GPR149: variants seen among roughly 807,000 people sequenced by gnomAD.
GPR149 encodes the protein probable G protein-coupled receptor 149.
In GPR149, 50 loss-of-function variants were observed where a neutral mutation model predicts 50.2. The ratio of observed to expected loss-of-function variants is 1.00; its 90% CI spans 0.79 to 1.26. GPR149 has a LOEUF of 1.26. GPR149 is among the 50% of genes most tolerant of loss of function. The pLI is 0.00. For missense variants in GPR149, 983 were observed against 895.4 expected, an observed-to-expected ratio of 1.10 and a Z score of -1.25; for synonymous variants, 405 against 358.2, an observed-to-expected ratio of 1.13 and a Z score of -1.48.
At chr3:154,362,367 C>A (rs1481717811) in intron 3 of GPR149, among the ~76,000 whole-genome samples, 2 of 151,952 alleles carry the variant, frequency 1.3e-5, no homozygotes, top group Non-Finnish European at 2.9e-5. Context: ...TACTGTCACC[C>A]CAAAAAAGAC....
intron 3 of GPR149, among the ~76,000 whole-genome samples, chr3:154,416,308 CT>C (rs1196748368): frequency 1.3e-5 from 2 of 151,824 alleles, no homozygotes; most frequent in African/African-American, 4.8e-5. Context: ...TATTAGCCCA[CT>C]GGGGGATTTT....
intron 3 of GPR149, among the ~76,000 whole-genome samples, chr3:154,356,132 G>A (rs922194638): frequency 6.6e-6 from 1 of 152,300 alleles, no homozygotes; most frequent in East Asian, 1.9e-4. Context: ...GATTTATGGT[G>A]ATGTTTGTAC....
intron 3 of GPR149, among the ~76,000 whole-genome samples, chr3:154,372,515 A>C (rs1397843661): frequency 6.6e-6 from 1 of 152,180 alleles, no homozygotes; most frequent in African/African-American, 2.4e-5. Context: ...ATGCCGCTGC[A>C]AGGTCATAAA....
chr3:154,373,328 A>G (rs1199927195), intron 3 of GPR149, among the ~76,000 whole-genome samples: 3 of 152,206 alleles, frequency 2.0e-5, no homozygotes, highest in Non-Finnish European at 4.4e-5. Flanking sequence ...AGCAGGGAAC[A>G]CAAGATAAGC....
At chr3:154,383,582 C>T (rs1481868694) in intron 3 of GPR149, among the ~76,000 whole-genome samples, 2 of 152,104 alleles carry the variant, frequency 1.3e-5, no homozygotes, top group Non-Finnish European at 2.9e-5. Context: ...TTTATGGACA[C>T]TTCCATGACA....
At chr3:154,341,932 G>T (rs867179792) in intron 3 of GPR149, among the ~76,000 whole-genome samples, 1 of 152,020 alleles carries the variant, frequency 6.6e-6, no homozygotes, top group Non-Finnish European at 1.5e-5. Flanking sequence ...AATAAGCAGG[G>T]TAATTATACT....
At chr3:154,377,512 G>A (rs184163692) in intron 3 of GPR149, among the ~76,000 whole-genome samples, 30 of 151,836 alleles carry the variant, frequency 2.0e-4, no homozygotes, top group East Asian at 5.8e-4. Context: ...GACTACAGGC[G>A]TGCGCCACCA....
chr3:154,404,802 G>A (rs532929968), intron 3 of GPR149, among the ~76,000 whole-genome samples: 1 of 152,084 alleles, frequency 6.6e-6, no homozygotes, highest in African/African-American at 2.4e-5. Context: ...GCAATTTTTT[G>A]TAAAGTACTT....
chr3:154,348,779 T>C (rs1713993384), intron 3 of GPR149, among the ~76,000 whole-genome samples: 1 of 152,094 alleles, frequency 6.6e-6, no homozygotes, highest in African/African-American at 2.4e-5. Flanking sequence ...ATGTTATAGA[T>C]AGAAAATTTT....
chr3:154,422,012 A>T (rs1712160864), intron 2 of GPR149, among the ~76,000 whole-genome samples: 1 of 151,722 alleles, frequency 6.6e-6, no homozygotes, highest in Non-Finnish European at 1.5e-5. Context: ...CTATAAGTGC[A>T]TACATTAAAA....
At chr3:154,368,217 G>C (rs1229807380) in intron 3 of GPR149, among the ~76,000 whole-genome samples, 1 of 152,226 alleles carries the variant, frequency 6.6e-6, no homozygotes. Context: ...TCTGACCCCT[G>C]TCTCCTGGGT....
chr3:154,402,709 G>A (rs1457814409), intron 3 of GPR149, among the ~76,000 whole-genome samples: 1 of 151,384 alleles, frequency 6.6e-6, no homozygotes, highest in African/African-American at 2.4e-5. Flanking sequence ...TCCACCTTCT[G>A]TGGTCTGTAA....
At chr3:154,359,986 C>A (rs1458956531) in intron 3 of GPR149, among the ~76,000 whole-genome samples, 1 of 146,312 alleles carries the variant, frequency 6.8e-6, no homozygotes, top group Non-Finnish European at 1.5e-5. Flanking sequence ...CCAGGAGCAA[C>A]CAAACAAGGA....
At chr3:154,417,236 A>C (rs1712016118) in intron 3 of GPR149, among the ~76,000 whole-genome samples, 1 of 151,956 alleles carries the variant, frequency 6.6e-6, no homozygotes, top group East Asian at 1.9e-4. Flanking sequence ...AACTGCTTAG[A>C]TTTCTACTTA....
At chr3:154,399,617 C>T (rs1387992195) in intron 3 of GPR149, among the ~76,000 whole-genome samples, 1 of 152,296 alleles carries the variant, frequency 6.6e-6, no homozygotes, top group East Asian at 1.9e-4. Context: ...AATCAAAATT[C>T]CCTCAGCGTT....
intron 3 of GPR149, among the ~76,000 whole-genome samples, chr3:154,370,090 C>T (rs538665344): frequency 6.6e-6 from 1 of 152,256 alleles, no homozygotes; most frequent in East Asian, 1.9e-4. Flanking sequence ...CACAATTACA[C>T]AGGAAAAAGA....
intron 3 of GPR149, among the ~76,000 whole-genome samples, chr3:154,368,818 G>A (rs1443708650): frequency 2.0e-5 from 3 of 152,138 alleles, no homozygotes; most frequent in Admixed American, 1.3e-4. Context: ...ATTCCTCCTT[G>A]AAGGACAGTT....
At chr3:154,343,263 A>G (rs1278887154) in intron 3 of GPR149, among the ~76,000 whole-genome samples, 1 of 152,176 alleles carries the variant, frequency 6.6e-6, no homozygotes, top group Non-Finnish European at 1.5e-5. Flanking sequence ...TCATAGAAAA[A>G]GGTTTGAGAG....
Position 154,411,293 on chromosome 3 carries a change from C to G in GPR149, c.1623+9746G>C, listed in dbSNP as rs546762065. ...GTCACACCTCATGGAACTGGTGAAA[C>G]AAGAACAATTCAAACCCAATCCCAG... On this transcript the variant is annotated intron_variant, in intron 3 of 3. Coordinates refer to ENST00000389740, the MANE Select transcript of GPR149 (RefSeq NM_001038705.3). Among the ~76,000 whole-genome samples, 7 of 151,900 alleles carry G rather than the reference C, an allele frequency of 4.6e-5. No individual in the cohort carries two copies. The East Asian group carries it at 1.4e-3, about 29-fold the overall frequency.
Sources: gnomAD v4.1 joint callset for allele counts (sites outside exome capture counted in the v4.1 genomes callset) on GRCh38, gnomAD v4.1.1 for gene constraint, MANE v1.5 for transcripts, NCBI Gene and HGNC (gene_info 2026-07-23, HGNC 2026-07-21) for gene names.